Variants in SEMA3A observed in about 807,000 individuals in gnomAD.
SEMA3A encodes the protein semaphorin 3A.
SEMA3A carries 29 observed loss-of-function variants against 97.9 expected under a neutral mutation model. That is an observed-to-expected ratio of 0.30 (90% CI 0.22 to 0.40). The LOEUF (loss-of-function observed/expected upper bound fraction) is 0.40, where lower values mean the gene tolerates loss of function less well. Ranked by LOEUF, SEMA3A falls within the 10% of genes least tolerant of loss-of-function variation. The pLI, the probability that SEMA3A is intolerant of heterozygous loss-of-function variation, is 1.00. For synonymous variants in SEMA3A, 321 were observed against 323.7 expected (o/e 0.99, Z 0.09); for missense variants, 763 against 951.3 (o/e 0.80, Z 2.60).
chr7:84,375,569 C>A (rs1053388109), intron 1 of SEMA3A, among the ~76,000 whole-genome samples: 18 of 152,072 alleles, frequency 1.2e-4, no homozygotes, highest in South Asian at 8.3e-4. Context: ...TTTGACACAT[C>A]ATAATTGTAC....
At chr7:84,279,594 C>A (rs1236695680) in intron 3 of SEMA3A, among the ~76,000 whole-genome samples, 1 of 152,090 alleles carries the variant, frequency 6.6e-6, no homozygotes, top group Non-Finnish European at 1.5e-5. Flanking sequence ...GGACAATGGG[C>A]AAAATTGAAT....
At chr7:83,979,441 A>AT (rs1211953431) in intron 14 of SEMA3A, among the ~76,000 whole-genome samples, 1 of 152,140 alleles carries the variant, frequency 6.6e-6, no homozygotes, top group Non-Finnish European at 1.5e-5. Flanking sequence ...TGAATTCCAC[A>AT]TTTTAAAGTA....
chr7:84,171,623 T>C (rs1050080580), intron 1 of SEMA3A, among the ~76,000 whole-genome samples: 11 of 152,152 alleles, frequency 7.2e-5, no homozygotes, highest in Admixed American at 2.6e-4. Flanking sequence ...TTTTTTCATA[T>C]AAGTTTCTAC....
intron 4 of SEMA3A, among the ~76,000 whole-genome samples, chr7:84,100,825 C>T (rs1794939578): frequency 6.6e-6 from 1 of 152,182 alleles, no homozygotes; most frequent in Non-Finnish European, 1.5e-5. Flanking sequence ...TCTGAAGAAA[C>T]ATAGATATGA....
intron 6 of SEMA3A, among the ~76,000 whole-genome samples, chr7:84,037,902 G>T (rs1200579567): frequency 6.6e-6 from 1 of 151,810 alleles, no homozygotes. Flanking sequence ...AATTTCTTTA[G>T]TCATGTAGTA....
chr7:83,992,916 G>T (rs1790027054), intron 12 of SEMA3A, among the ~76,000 whole-genome samples: 1 of 150,094 alleles, frequency 6.7e-6, no homozygotes, highest in Admixed American at 6.7e-5. Flanking sequence ...TTGACACTGG[G>T]GTGTTAAAGT....
rs1272289412 is a variant in SEMA3A, at chr7:84,091,135, A to AGAAGGAAGGAAG, written c.453+19323_453+19334dup. ...GAAAGAAAGAAAAAGAAAGAAAGAA[A>AGAAGGAAGGAAG]GAAGGAAGGAAGGAAGGAAGGAAGG... On this transcript the variant is annotated intron_variant, in intron 4 of 16. Transcript: ENST00000265362. 7.7e-4 allele frequency among the ~76,000 whole-genome samples: 39 copies of AGAAGGAAGGAAG among 50,976 alleles called. 1 individual carries two copies. Among genetic ancestry groups the AGAAGGAAGGAAG allele is most frequent in the African/African-American group, 2.0e-3 (37 of 18,200 alleles). The allele number at this position is 50,976 out of a possible 152,430, so 33.4% of individuals were successfully genotyped here.
At chr7:84,475,888 T>C (rs1806268530) in intron 1 of SEMA3A, among the ~76,000 whole-genome samples, 2 of 152,238 alleles carry the variant, frequency 1.3e-5, no homozygotes, top group South Asian at 4.1e-4. Flanking sequence ...TTTGTTGTCA[T>C]GGTAGACTTA....
At chr7:84,331,613 C>T (rs73386942) in intron 2 of SEMA3A, among the ~76,000 whole-genome samples, 6,261 of 151,896 alleles carry the variant, frequency 0.041, 461 homozygotes, top group African/African-American at 0.14. Context: ...ATATACAGGA[C>T]GTCCACAGGT....
intron 1 of SEMA3A, among the ~76,000 whole-genome samples, chr7:84,413,815 G>A (rs1804348455): frequency 6.6e-6 from 1 of 152,002 alleles, no homozygotes; most frequent in African/African-American, 2.4e-5. Flanking sequence ...GGGATGTGTA[G>A]GAAAAATATA....
intron 1 of SEMA3A, among the ~76,000 whole-genome samples, chr7:84,463,711 C>T (rs1160233148): frequency 1.3e-5 from 2 of 152,124 alleles, no homozygotes; most frequent in Admixed American, 6.5e-5. Flanking sequence ...CTGTTAAACA[C>T]CTGTTCAACT....
At chr7:84,385,108 TA>T in intron 1 of SEMA3A, among the ~76,000 whole-genome samples, 1 of 148,886 alleles carries the variant, frequency 6.7e-6, no homozygotes, top group South Asian at 2.1e-4. Context: ...AACACTCAAT[TA>T]AAATGGGGGA....
chr7:84,426,402 T>C (rs888482554), intron 1 of SEMA3A, among the ~76,000 whole-genome samples: 2 of 152,108 alleles, frequency 1.3e-5, no homozygotes, highest in African/African-American at 4.8e-5. Context: ...TTGACTGATA[T>C]GGTCGATGAA....
At chr7:84,492,341 G>T (rs1051315227) in intron 1 of SEMA3A, 6 of 152,112 alleles carry the variant, frequency 3.9e-5, no homozygotes, top group African/African-American at 1.4e-4. Flanking sequence ...AATTAATGGG[G>T]TTATGAACAT....
chr7:84,383,128 A>C (rs1355729300), intron 1 of SEMA3A, among the ~76,000 whole-genome samples: 2 of 152,134 alleles, frequency 1.3e-5, no homozygotes, highest in Non-Finnish European at 2.9e-5. Flanking sequence ...ATAACAAAGA[A>C]ACCTTCTTCT....
chr7:84,424,694 A>G (rs1174526086), intron 1 of SEMA3A, among the ~76,000 whole-genome samples: 42 of 77,136 alleles, frequency 5.4e-4, no homozygotes, highest in African/African-American at 2.5e-3. Flanking sequence ...TATATAATAT[A>G]TTGATATCAA....
intron 4 of SEMA3A, among the ~76,000 whole-genome samples, chr7:84,063,945 G>C (rs376957240): frequency 2.5e-4 from 38 of 150,510 alleles, no homozygotes; most frequent in Admixed American, 4.6e-4. Context: ...CTCGAGAAGA[G>C]CAACTCCAAG....
At chr7:83,988,403 A>G (rs1789729862) in intron 12 of SEMA3A, among the ~76,000 whole-genome samples, 1 of 151,452 alleles carries the variant, frequency 6.6e-6, no homozygotes. Flanking sequence ...ATTTTTTTGT[A>G]TTTTTAGTAG....
intron 3 of SEMA3A, among the ~76,000 whole-genome samples, chr7:84,253,871 C>T (rs998841493): frequency 2.6e-5 from 4 of 152,126 alleles, no homozygotes; most frequent in African/African-American, 9.7e-5. Context: ...GTGATTTTCT[C>T]CAGTAGTTCT....
Sources: gnomAD v4.1 joint callset for allele counts (sites outside exome capture counted in the v4.1 genomes callset) on GRCh38, gnomAD v4.1.1 for gene constraint, MANE v1.5 for transcripts, NCBI Gene and HGNC (gene_info 2026-07-23, HGNC 2026-07-21) for gene names.